Variants in KCTD9 observed in about 807,000 individuals in gnomAD.
KCTD9 encodes potassium channel tetramerization domain containing 9.
In KCTD9, 17 loss-of-function variants were observed where a neutral mutation model predicts 53.3. The observed-to-expected ratio is 0.32, with a 90% confidence interval of 0.22 to 0.48. KCTD9 has a LOEUF of 0.48. Among genes scored for constraint, KCTD9 ranks in the 20% least tolerant of loss-of-function variants. KCTD9 has a pLI of 0.99. For synonymous variants in KCTD9, 128 were observed against 162.7 expected (o/e 0.79, Z 1.62); for missense variants, 179 against 465.5 (o/e 0.38, Z 5.66).
intron 3 of KCTD9, among the ~76,000 whole-genome samples, chr8:25,440,934 G>A (rs1356996322): frequency 6.6e-6 from 1 of 152,164 alleles, no homozygotes; most frequent in Non-Finnish European, 1.5e-5. Flanking sequence ...GGTATATGAT[G>A]AACCCATGAA....
chr8:25,436,652 C>T (rs1374148147), intron 6 of KCTD9, among the ~76,000 whole-genome samples, 167 bp from the exon 7 acceptor site: 1 of 152,006 alleles, frequency 6.6e-6, no homozygotes. Flanking sequence ...CATACTGAAT[C>T]AGAAAATGAT....
intron 1 of KCTD9, among the ~76,000 whole-genome samples, chr8:25,447,014 T>G (rs925217273): frequency 6.6e-6 from 1 of 152,246 alleles, no homozygotes; most frequent in Non-Finnish European, 1.5e-5. Flanking sequence ...TTTTGTGCCC[T>G]GGTCCTAACT....
rs1040752935 is a variant in KCTD9 at position 25,458,339 on chromosome 8, C to T, written c.-93G>A. 4 of 1,445,330 alleles carry T rather than the reference C, an allele frequency of 2.8e-6. No homozygotes were observed. The highest frequency in any genetic ancestry group is 1.4e-5 in the African/African-American group (1 of 72,162). The allele number at this position is 1,445,330 out of a possible 1,614,324, so 89.5% of individuals were successfully genotyped here. ...TCCTCCCGCCCTTCCCCTCCCTCCA[C>T]CCACTCGGATTCGCCTCCCTTCGCC... On this transcript the variant is annotated 5_prime_UTR_variant, in exon 1 of 12. In the 5' UTR this introduces an upstream ATG that the reference lacks. Transcript: ENST00000221200.
intron 3 of KCTD9, among the ~76,000 whole-genome samples, chr8:25,441,176 C>CAA (rs1305327627): frequency 1.8e-5 from 2 of 113,246 alleles, no homozygotes; most frequent in African/African-American, 3.2e-5. Context: ...ACAACAGAGA[C>CAA]AAAAAAAAAA....
intron 9 of KCTD9, among the ~76,000 whole-genome samples, chr8:25,434,331 A>C (rs1801981495): frequency 6.6e-6 from 1 of 152,124 alleles, no homozygotes; most frequent in South Asian, 2.1e-4. Flanking sequence ...ACCTCAAGTG[A>C]TCTGCCTGCC....
At chr8:25,444,545 G>C (rs1259330414) in intron 2 of KCTD9, among the ~76,000 whole-genome samples, 2 of 152,096 alleles carry the variant, frequency 1.3e-5, no homozygotes, top group Non-Finnish European at 2.9e-5. Context: ...TCTTGCACAT[G>C]AAAGTACTTT....
In KCTD9 at chr8:25,439,198, T is replaced by G. The variant is rs1016383166; in HGVS notation, c.499+81A>C. On this transcript the variant is annotated intron_variant, in intron 6 of 11. Coordinates refer to ENST00000221200, the MANE Select transcript of KCTD9 (RefSeq NM_017634.4). ...TTACTTTATGGAAATATACTGTTAC[T>G]GAGTGAAACAAAGTTAAAATCTTAA... 3.6e-5 allele frequency: 40 copies of G among 1,097,542 alleles called. No homozygotes were observed. The East Asian group carries it at 1.0e-3, about 27-fold the overall frequency. 68.0% of individuals were successfully genotyped at this position (1,097,542 alleles called of 1,614,324 possible).
At chr8:25,446,885 G>C (rs1299821071) in intron 1 of KCTD9, among the ~76,000 whole-genome samples, 1 of 152,130 alleles carries the variant, frequency 6.6e-6, no homozygotes, top group African/African-American at 2.4e-5. Context: ...TAAGAACAGA[G>C]CAAACAGCTG....
At chr8:25,437,685 A>AAAAAATAC (rs1043691183) in intron 6 of KCTD9, among the ~76,000 whole-genome samples, 1 of 151,422 alleles carries the variant, frequency 6.6e-6, no homozygotes, top group African/African-American at 2.4e-5. Context: ...CTCAAAACAA[A>AAAAAATAC]AAAAATACAA....
intron 4 of KCTD9, 81 bp downstream of exon 4, chr8:25,440,496 G>A: frequency 1.1e-6 from 1 of 931,636 alleles, no homozygotes; most frequent in South Asian, 1.3e-5. Flanking sequence ...TATCTTTTAA[G>A]GAAATCAGCA....
At chr8:25,455,267 A>G (rs1802411642) in intron 1 of KCTD9, among the ~76,000 whole-genome samples, 5 of 151,752 alleles carry the variant, frequency 3.3e-5, no homozygotes, top group Admixed American at 3.3e-4. Context: ...AATAAAAGTA[A>G]AAAACAAACA....
chr8:25,441,166 A>G (rs1802114419), intron 3 of KCTD9, among the ~76,000 whole-genome samples: 1 of 151,994 alleles, frequency 6.6e-6, no homozygotes, highest in East Asian at 1.9e-4. Flanking sequence ...TGCAACAAAG[A>G]CAACAGAGAC....
intron 1 of KCTD9, among the ~76,000 whole-genome samples, chr8:25,453,014 A>G (rs981649557): frequency 6.6e-6 from 1 of 152,174 alleles, no homozygotes; most frequent in Non-Finnish European, 1.5e-5. Context: ...AAAAAACTAT[A>G]TACAGTATAA....
chr8:25,432,702 TG>T lies in KCTD9; in HGVS notation c.920-66del, dbSNP rs949285574. On this transcript the variant is annotated intron_variant, in intron 10 of 11. Coordinates refer to ENST00000221200, the MANE Select transcript of KCTD9 (RefSeq NM_017634.4). ...TATAGTTATCTACCTTCAACAGAAC[TG>T]CAAGATGACTTAATGGAGGCCTCTT... 1.1e-4 allele frequency: 163 copies of T among 1,442,226 alleles called. 1 individual carries two copies. In the Middle Eastern group the frequency reaches 1.6e-3, roughly 14 times the overall value. 89.3% of individuals were successfully genotyped at this position (1,442,226 alleles called of 1,614,324 possible).
intron 1 of KCTD9, among the ~76,000 whole-genome samples, chr8:25,452,507 C>T (rs1802346953): frequency 6.6e-6 from 1 of 152,168 alleles, no homozygotes; most frequent in South Asian, 2.1e-4. Context: ...CACATTTCAC[C>T]TGCAAATTAA....
At chr8:25,440,433 A>G (rs1328924800) in intron 4 of KCTD9, 144 bp downstream of exon 4, 3 of 607,030 alleles carry the variant, frequency 4.9e-6, no homozygotes, top group South Asian at 4.4e-5. Context: ...TTCTTCAAAA[A>G]AAGTTATAAA....
chr8:25,456,052 T>C (rs1184715991), intron 1 of KCTD9, among the ~76,000 whole-genome samples: 1 of 152,170 alleles, frequency 6.6e-6, no homozygotes, highest in African/African-American at 2.4e-5. Context: ...ATTCATTCAA[T>C]ACACAGACAA....
Position 25,444,373 on chromosome 8 carries a change from C to T in KCTD9, c.171-38G>A, listed in dbSNP as rs745467418. The T allele has an allele frequency of 3.2e-6, 5 of 1,561,512 alleles. No individual in the cohort carries two copies. In the East Asian group the frequency reaches 1.1e-4, roughly 35 times the overall value. ...AAATTTAAAAAGCTACCATCAAAAT[C>T]TAAAAATCACATTAATTATCTGTTG... On this transcript the variant is annotated intron_variant, in intron 2 of 11. Coordinates refer to ENST00000221200, the MANE Select transcript of KCTD9 (RefSeq NM_017634.4).
At chr8:25,433,282 TACA>T in intron 10 of KCTD9, 45 bp downstream of exon 10, 1 of 1,071,362 alleles carries the variant, frequency 9.3e-7, no homozygotes, top group Admixed American at 2.0e-5. Context: ...TTTTTTCCTT[TACA>T]GTCTGCTTCC....
Sources: allele counts gnomAD v4.1 joint callset (sites outside exome capture counted in the v4.1 genomes callset), GRCh38; gene constraint gnomAD v4.1.1; transcripts MANE v1.5; gene names NCBI Gene and HGNC (gene_info 2026-07-23, HGNC 2026-07-21).